The following FRMD7 variants were observed in gnomAD, a reference collection of about 807,000 sequenced individuals.
FRMD7 encodes FERM domain containing 7.
Under a neutral mutation model 44.1 loss-of-function variants are expected in FRMD7, and 14 were observed. The observed-to-expected ratio is 0.32, with a 90% CI of 0.21 to 0.50. The LOEUF is 0.50. Among genes scored for constraint, FRMD7 ranks in the 20% least tolerant of loss-of-function variants. The pLI is 0.99. For synonymous variants in FRMD7, 212 were observed against 187.4 expected, an observed-to-expected ratio of 1.13 and a Z score of -1.07; for missense variants, 501 against 522.3, an observed-to-expected ratio of 0.96 and a Z score of 0.40.
chrX:132,092,684 TC>T (rs1186786591), intron 5 of FRMD7, among the ~76,000 whole-genome samples: 1 of 111,513 alleles, frequency 9.0e-6, no homozygotes, highest in African/African-American at 3.3e-5. Flanking sequence ...GAAATTGAGC[TC>T]CCCCGTCAGA....
chrX:132,107,025 T>G (rs777132955), intron 1 of FRMD7, among the ~76,000 whole-genome samples: 64 of 111,560 alleles, frequency 5.7e-4, no homozygotes, highest in African/African-American at 1.8e-3. Context: ...AACCTAAAAT[T>G]AAAAGATTTT....
intron 1 of FRMD7, among the ~76,000 whole-genome samples, chrX:132,103,512 CT>C (rs1928566431): frequency 9.1e-6 from 1 of 109,991 alleles, no homozygotes; most frequent in African/African-American, 3.3e-5. Flanking sequence ...ATCTATCTAT[CT>C]ATCTATCTAT....
In FRMD7 at chrX:132,092,690, G is replaced by A. The variant is rs1001964248; in HGVS notation, c.382+1352C>T. ...GTTAAGAATGAAATTGAGCTCCCCC[G>A]TCAGAGACTGCCTGGGAGCCCCAAT... On this transcript the variant is annotated intron_variant, in intron 5 of 11. Coordinates refer to ENST00000298542, the MANE Select transcript of FRMD7 (RefSeq NM_194277.3). 3.6e-5 allele frequency among the ~76,000 whole-genome samples: 4 copies of A among 111,740 alleles called. No individual in the cohort carries two copies. In the Admixed American group the frequency reaches 3.8e-4, roughly 11 times the overall value.
intron 1 of FRMD7, among the ~76,000 whole-genome samples, chrX:132,115,778 T>C (rs1244898818): frequency 9.0e-6 from 1 of 111,721 alleles, no homozygotes; most frequent in Admixed American, 9.5e-5. Flanking sequence ...CATTTGCTTT[T>C]CTCAACTTAG....
intron 1 of FRMD7, among the ~76,000 whole-genome samples, chrX:132,113,085 C>G (rs1055277286): frequency 9.0e-6 from 1 of 111,124 alleles, no homozygotes; most frequent in Non-Finnish European, 1.9e-5. Flanking sequence ...ATTATCATGC[C>G]TAAATTGGAA....
rs1156276653 is a variant in FRMD7, at chrX:132,082,359, T to C, written c.905+4A>G. On this transcript the variant is annotated splice_donor_region_variant and intron_variant, in intron 9 of 11. Coordinates refer to ENST00000298542, the MANE Select transcript of FRMD7 (RefSeq NM_194277.3). ...CAGTTTGCCTATGTGCATTGTTTAA[T>C]TACCTATAGCGGAAACTGGAACCCT... 1 of 1,204,841 alleles carries C rather than the reference T, an allele frequency of 8.3e-7. No individual in the cohort carries two copies. Among genetic ancestry groups the C allele is most frequent in the Non-Finnish European group, 1.1e-6 (1 of 890,437 alleles).
chrX:132,099,432 G>C (rs1297593859), intron 3 of FRMD7, 36 bp downstream of exon 3: 2 of 1,126,176 alleles, frequency 1.8e-6, no homozygotes, highest in African/African-American at 3.6e-5. Flanking sequence ...AGCTCTAACT[G>C]TGAACTCTCT....
At position 132,100,362 on chromosome X, in the gene FRMD7, C is replaced by T. The variant is rs1261555251; in HGVS notation, c.162+250G>A. On this transcript the variant is annotated intron_variant, in intron 2 of 11. Coordinates refer to ENST00000298542, the MANE Select transcript of FRMD7 (RefSeq NM_194277.3). ...GGCCAGGCTGGTCTTGAACTCCTGA[C>T]CTCAGGTGATCCACCTGCCTTGGCT... Among the ~76,000 whole-genome samples the T allele has an allele frequency of 3.6e-5, 4 of 112,333 alleles. No individual in the cohort carries two copies. The East Asian group carries it at 1.1e-3, about 32-fold the overall frequency.
chrX:132,116,673 G>C (rs1928905758), intron 1 of FRMD7, among the ~76,000 whole-genome samples: 1 of 111,361 alleles, frequency 9.0e-6, no homozygotes, highest in African/African-American at 3.3e-5. Flanking sequence ...CAGGGTTGGG[G>C]CCGGCGGAGG....
chrX:132,100,481 T>A (rs1252530878), intron 2 of FRMD7, 131 bp downstream of exon 2: 5 of 524,453 alleles, frequency 9.5e-6, no homozygotes, highest in African/African-American at 4.6e-5. Context: ...AGTTATTAAA[T>A]CTAATCATGT....
At chrX:132,097,053 AAC>A (rs1257340586) in intron 4 of FRMD7, among the ~76,000 whole-genome samples, 1 of 110,933 alleles carries the variant, frequency 9.0e-6, no homozygotes, top group Non-Finnish European at 1.9e-5. Context: ...GAACTTCTAG[AAC>A]ACACCTCTTT....
intron 5 of FRMD7, among the ~76,000 whole-genome samples, chrX:132,086,845 A>G (rs770624093): frequency 8.9e-6 from 1 of 112,106 alleles, no homozygotes; most frequent in Non-Finnish European, 1.9e-5. Context: ...AGAGGAATAT[A>G]AATGCCAACG....
Position 132,106,745 on chromosome X carries a change from A to G in FRMD7, c.58-6029T>C, listed in dbSNP as rs1375922503. ...AGGAACATGGATGGAGCCGGAGGCC[A>G]TTATCCTTAGCGAGCTAAAGCGGGA... On this transcript the variant is annotated intron_variant, in intron 1 of 11. Coordinates refer to ENST00000298542, the MANE Select transcript of FRMD7 (RefSeq NM_194277.3). Among the ~76,000 whole-genome samples the G allele has an allele frequency of 2.7e-5, 3 of 112,405 alleles. No homozygotes were observed. In the South Asian group the frequency reaches 1.1e-3, roughly 42 times the overall value.
rs550106282 is a variant in FRMD7 at position 132,088,508 on chromosome X, T to C, written c.383-2474A>G. On this transcript the variant is annotated intron_variant, in intron 5 of 11. Transcript: ENST00000298542. ...AGGAATTCAAGGCTACAGTGAGCCA[T>C]GGCCGTGCCACTGCACTCCAGGTTG... Among the ~76,000 whole-genome samples the C allele has an allele frequency of 5.5e-4, 58 of 106,187 alleles. 1 individual carries two copies. Among genetic ancestry groups the C allele is most frequent in the African/African-American group, 1.9e-3 (55 of 28,865 alleles). The allele number at this position is 106,187 out of a possible 115,157, so 92.2% of individuals were successfully genotyped here. A position where few individuals can be genotyped will look rare whatever the true frequency, so the allele number is the denominator to read the frequency against.
intron 1 of FRMD7, among the ~76,000 whole-genome samples, chrX:132,110,784 C>T (rs1324859424): frequency 8.9e-6 from 1 of 112,495 alleles, no homozygotes; most frequent in African/African-American, 3.2e-5. Context: ...AGCCTTTGCA[C>T]AGGTCTGAAA....
Position 132,077,765 on chromosome X carries a change from T to A in FRMD7, c.*107A>T. The A allele has an allele frequency of 2.7e-6, 3 of 1,094,673 alleles. No individual in the cohort carries two copies. The highest frequency in any genetic ancestry group is 3.7e-6 in the Non-Finnish European group (3 of 805,617). 90.2% of individuals were successfully genotyped at this position (1,094,673 alleles called of 1,213,427 possible). ...GGCATCCAAAATGAGATTTCCTTAATACCAATGAATATGTAGTAACCAAGA... is the reference window on the plus strand; with the variant it reads ...GGCATCCAAAATGAGATTTCCTTAAAACCAATGAATATGTAGTAACCAAGA... On this transcript the variant is annotated 3_prime_UTR_variant, in exon 12 of 12. Coordinates refer to ENST00000298542, the MANE Select transcript of FRMD7 (RefSeq NM_194277.3).
At chrX:132,078,987 G>A (rs764288995) in intron 11 of FRMD7, 21 bp from the exon 12 acceptor site, 2 of 1,188,300 alleles carry the variant, frequency 1.7e-6, no homozygotes, top group Admixed American at 2.2e-5. Flanking sequence ...TGGACACATT[G>A]GTGAAAGAAG....
At chrX:132,100,414 G>A (rs1293026795) in intron 2 of FRMD7, among the ~76,000 whole-genome samples, 198 bp downstream of exon 2, 1 of 112,508 alleles carries the variant, frequency 8.9e-6, no homozygotes, top group Non-Finnish European at 1.9e-5. Flanking sequence ...TTACAGGCAT[G>A]AGCCACCGCA....
intron 9 of FRMD7, among the ~76,000 whole-genome samples, chrX:132,080,550 C>T (rs1421078350): frequency 1.8e-5 from 2 of 112,247 alleles, no homozygotes; most frequent in Non-Finnish European, 3.8e-5. Flanking sequence ...CATGGTGGCT[C>T]ACACCTTAAT....
Sources: allele counts gnomAD v4.1 joint callset (sites outside exome capture counted in the v4.1 genomes callset), GRCh38; gene constraint gnomAD v4.1.1; transcripts MANE v1.5; gene names NCBI Gene and HGNC (gene_info 2026-07-23, HGNC 2026-07-21).